Variants in RP1 observed in about 807,000 individuals in gnomAD.
The protein encoded by RP1 is oxygen-regulated protein 1.
In RP1, 16 loss-of-function variants were observed where a neutral mutation model predicts 14.8. The observed-to-expected ratio is 1.08, with a 90% confidence interval of 0.73 to 1.65. RP1 has a LOEUF of 1.65. Ranked by LOEUF, RP1 falls within the 40% of genes most tolerant of loss-of-function variation. RP1 has a pLI of 0.00. For synonymous variants in RP1, 876 were observed against 883.6 expected (o/e 0.99, Z 0.15); for missense variants, 2,631 against 2,535.0 (o/e 1.04, Z -0.81).
intron 16 of RP1, among the ~76,000 whole-genome samples, chr8:54,723,043 T>C (rs903097831): frequency 8.5e-5 from 13 of 152,190 alleles, no homozygotes; most frequent in African/African-American, 3.1e-4. Flanking sequence ...ACACAAGCTC[T>C]GAGAGCCAGA....
At chr8:54,740,099 T>C (rs1809036083) in intron 19 of RP1, among the ~76,000 whole-genome samples, 1 of 149,078 alleles carries the variant, frequency 6.7e-6, no homozygotes. Flanking sequence ...TAATGCCATA[T>C]ACTTTTAATC....
chr8:54,823,684 TTGTC>T (rs1473733408), intron 24 of RP1, among the ~76,000 whole-genome samples: 3 of 152,194 alleles, frequency 2.0e-5, no homozygotes, highest in African/African-American at 4.8e-5. Context: ...GTATGGCAGT[TTGTC>T]TGACCATTTA....
intron 12 of RP1, among the ~76,000 whole-genome samples, chr8:54,697,634 C>A (rs1392048823): frequency 6.6e-6 from 1 of 152,152 alleles, no homozygotes; most frequent in Admixed American, 6.6e-5. Context: ...GGAAAAAATT[C>A]CAGCGTTTTC....
At chr8:54,782,774 C>A (rs1281765411) in intron 23 of RP1, among the ~76,000 whole-genome samples, 1 of 152,232 alleles carries the variant, frequency 6.6e-6, no homozygotes, top group East Asian at 1.9e-4. Context: ...TCTAACTAAA[C>A]CAATCATAAA....
intron 27 of RP1, among the ~76,000 whole-genome samples, chr8:54,858,854 C>T (rs1009549670): frequency 6.6e-6 from 1 of 151,798 alleles, no homozygotes; most frequent in Non-Finnish European, 1.5e-5. Flanking sequence ...AGAGTAGTGT[C>T]GCTGTAGAGT....
At chr8:54,844,651 C>T (rs1386219306) in intron 25 of RP1, among the ~76,000 whole-genome samples, 1 of 152,168 alleles carries the variant, frequency 6.6e-6, no homozygotes, top group African/African-American at 2.4e-5. Context: ...CACAAGGGCA[C>T]ATCTCTCTAG....
At chr8:54,563,033 G>C (rs141040020) in intron 1 of RP1, among the ~76,000 whole-genome samples, 17 of 152,320 alleles carry the variant, frequency 1.1e-4, no homozygotes, top group African/African-American at 2.4e-4. Context: ...TCCCAGTAAT[G>C]ACTGTAGACT....
chr8:54,809,313 G>A (rs1369786522), intron 24 of RP1, among the ~76,000 whole-genome samples: 4 of 152,158 alleles, frequency 2.6e-5, no homozygotes, highest in Non-Finnish European at 5.9e-5. Flanking sequence ...TTCATTCTGT[G>A]ATGCAAAACT....
At chr8:54,739,909 A>G (rs1010666290) in intron 19 of RP1, among the ~76,000 whole-genome samples, 21 of 152,018 alleles carry the variant, frequency 1.4e-4, no homozygotes, top group Non-Finnish European at 5.9e-5. Flanking sequence ...TGAATTACTC[A>G]TGTATTTGTG....
At chr8:54,802,772 A>C (rs774160914) in intron 24 of RP1, among the ~76,000 whole-genome samples, 4 of 152,232 alleles carry the variant, frequency 2.6e-5, no homozygotes, top group Non-Finnish European at 5.9e-5. Flanking sequence ...GCAAGATGCC[A>C]GAAGTGTTAT....
intron 24 of RP1, among the ~76,000 whole-genome samples, chr8:54,804,054 TGAGACTC>T (rs1743812300): frequency 1.3e-5 from 2 of 150,674 alleles, no homozygotes; most frequent in African/African-American, 4.9e-5. Flanking sequence ...GGCAACAGAG[TGAGACTC>T]TATCTCAAAA....
At chr8:54,807,264 A>G (rs1810874971) in intron 24 of RP1, among the ~76,000 whole-genome samples, 2 of 152,238 alleles carry the variant, frequency 1.3e-5, no homozygotes, top group Non-Finnish European at 2.9e-5. Context: ...AGTCTCAAAC[A>G]TTGCAAAAAA....
intron 3 of RP1, among the ~76,000 whole-genome samples, chr8:54,638,352 C>G (rs971701561): frequency 6.6e-6 from 1 of 151,022 alleles, no homozygotes; most frequent in African/African-American, 2.4e-5. Flanking sequence ...ACAGGAGAAT[C>G]ACTTGAACCC....
Position 54,625,149 on chromosome 8 carries a change from G to A in RP1, c.1267G>A (p.Ala423Thr), listed in dbSNP as rs1398325066. ...TCAAGTGGCTGAAACTTGCAGTTCT[G>A]CTAGTTGGGAGAATGCTACTGTGGA... is the stretch of plus-strand genomic sequence containing the variant. The part of the protein sequence containing the change: ...TDQVAETCSS[A>T]SWENATVDTD... Residue 423 changes from alanine to threonine, a missense_variant, in exon 4 of 4, where the codon GCT becomes ACT. By Grantham distance (58) the Ala-to-Thr change is moderately conservative. Transcript: ENST00000220676. The A allele has an allele frequency of 6.2e-7, 1 of 1,614,166 alleles. No individual in the cohort carries two copies. Among genetic ancestry groups the A allele is most frequent in the Non-Finnish European group, 8.5e-7 (1 of 1,180,034 alleles).
At chr8:54,727,524 C>A (rs1400895459) in intron 17 of RP1, among the ~76,000 whole-genome samples, 3 of 151,846 alleles carry the variant, frequency 2.0e-5, no homozygotes, top group Non-Finnish European at 4.4e-5. Context: ...TTCTATATGT[C>A]TTATGAAAAT....
intron 12 of RP1, chr8:54,696,355 T>C: frequency 1.1e-5 from 6 of 538,782 alleles, no homozygotes; most frequent in South Asian, 9.3e-5. Context: ...AAATGAAGGA[T>C]TGGTTCATTT....
intron 25 of RP1, among the ~76,000 whole-genome samples, chr8:54,839,830 A>C (rs1235607342): frequency 6.6e-6 from 1 of 152,236 alleles, no homozygotes; most frequent in Non-Finnish European, 1.5e-5. Context: ...AGTCCTGCTT[A>C]ATGAAATGAT....
At chr8:54,608,182 C>G (rs1208495858) in intron 1 of RP1, among the ~76,000 whole-genome samples, 2 of 146,738 alleles carry the variant, frequency 1.4e-5, no homozygotes, top group African/African-American at 5.1e-5. Context: ...TGGCCATCTG[C>G]CTTTTTTTTT....
intron 1 of RP1, among the ~76,000 whole-genome samples, chr8:54,578,217 T>C (rs903849195): frequency 6.6e-6 from 1 of 152,064 alleles, no homozygotes; most frequent in Non-Finnish European, 1.5e-5. Context: ...TTAATTTTTA[T>C]TTTTTTAGGG....
Sources: allele counts gnomAD v4.1 joint callset (sites outside exome capture counted in the v4.1 genomes callset), GRCh38; gene constraint gnomAD v4.1.1; transcripts MANE v1.5; gene names NCBI Gene and HGNC (gene_info 2026-07-23, HGNC 2026-07-21).